Variants in ZNF879 observed in about 807,000 individuals in gnomAD.
ZNF879 encodes zinc finger protein 879.
ZNF879 carries 32 observed loss-of-function variants against 44.3 expected under a neutral mutation model. The observed-to-expected ratio is 0.72, with a 90% confidence interval of 0.54 to 0.97. The LOEUF is 0.97. Ranked by LOEUF, ZNF879 falls within the 50% of genes least tolerant of loss-of-function variation. ZNF879 has a pLI of 0.00. For missense variants in ZNF879, 621 were observed against 669.7 expected, an observed-to-expected ratio of 0.93 and a Z score of 0.80; for synonymous variants, 234 against 233.2, an observed-to-expected ratio of 1.00 and a Z score of -0.03.
In ZNF879 at chr5:179,025,115, C is replaced by G. The variant is rs557466783; in HGVS notation, c.33+78C>G. On this transcript the variant is annotated intron_variant, in intron 2 of 4. Coordinates refer to ENST00000444149, the MANE Select transcript of ZNF879 (RefSeq NM_001136116.3). ...AACTTCTTCATCTGTTGTTGAGCTTCTCTACCCAGTGAAGCTCAGGGAAGG... is the reference window on the plus strand; with the variant it reads ...AACTTCTTCATCTGTTGTTGAGCTTGTCTACCCAGTGAAGCTCAGGGAAGG... 19 of 1,501,186 alleles carry G rather than the reference C, an allele frequency of 1.3e-5. 1 individual carries two copies. The East Asian group carries it at 3.7e-4, about 29-fold the overall frequency. The allele number at this position is 1,501,186 out of a possible 1,614,324, so 93.0% of individuals were successfully genotyped here.
Position 179,032,923 on chromosome 5 carries a change from C to T in ZNF879, c.975C>T (p.Phe325=). The change falls in exon 5 of 5, where the codon TTC becomes TTT. Residue 325 remains phenylalanine, a synonymous_variant. Coordinates refer to ENST00000444149, the MANE Select transcript of ZNF879 (RefSeq NM_001136116.3). ...AGTGTAATGAATGTGGGAGGGCCTT[C>T]AGTCAGTGCTCATCTCTCATTCAGC... ...PYKCNECGRA[F]SQCSSLIQHH... The T allele has an allele frequency of 6.4e-7, 1 of 1,567,240 alleles. No individual in the cohort carries two copies. Among genetic ancestry groups the T allele is most frequent in the Non-Finnish European group, 8.7e-7 (1 of 1,156,000 alleles).
Position 179,027,430 on chromosome 5 carries a change from T to C in ZNF879, c.34-43T>C, listed in dbSNP as rs1328526732. On this transcript the variant is annotated intron_variant, in intron 2 of 4. Transcript: ENST00000444149. ...GGGTTGCTTCTCAGTCTTCTCGTTG[T>C]GGGGACAGTCCTGGATGAACAGGAG... The C allele has an allele frequency of 1.9e-6, 3 of 1,609,256 alleles. No individual in the cohort carries two copies. The African/African-American group carries it at 4.0e-5, about 21-fold the overall frequency.
chr5:179,025,539 G>C (rs900879878), intron 2 of ZNF879, among the ~76,000 whole-genome samples: 16 of 152,216 alleles, frequency 1.1e-4, no homozygotes, highest in Non-Finnish European at 8.8e-5. Flanking sequence ...CCAATGCCAG[G>C]CCACTGCCAC....
chr5:179,025,128 A>G (rs908703200), intron 2 of ZNF879, 91 bp downstream of exon 2: 2 of 1,433,046 alleles, frequency 1.4e-6, no homozygotes, highest in African/African-American at 1.4e-5. Context: ...TACCCAGTGA[A>G]GCTCAGGGAA....
rs192183513 is a variant in ZNF879, at chr5:179,032,469, C to T, written c.521C>T (p.Pro174Leu). ...LGLKSSLIRK[P>L]RIVSRGRRPR... is the part of the protein sequence containing the mutation. ...CTAAAATCATCGCTTATTAGAAAAC[C>T]GAGAATAGTTTCCAGAGGAAGGAGA... The change falls in exon 5 of 5, where the codon CCG (proline) becomes CTG (leucine). Residue 174 changes from proline (P) to leucine (L), a missense_variant. Pro to Leu is a moderately conservative substitution (Grantham distance 98, BLOSUM62 -3). Coordinates refer to ENST00000444149, the MANE Select transcript of ZNF879 (RefSeq NM_001136116.3). 3.3e-5 allele frequency: 51 copies of T among 1,551,542 alleles called. No homozygotes were observed. The highest frequency in any genetic ancestry group is 1.4e-4 in the Admixed American group (7 of 51,000).
Position 179,024,754 on chromosome 5 carries a change from A to G in ZNF879, c.-35-216A>G, listed in dbSNP as rs1176595603. On this transcript the variant is annotated intron_variant, in intron 1 of 4. Transcript: ENST00000444149. ...TCATCCCTTCGCTCCTTTCGTCTTT[A>G]TCGTAAAGCACTGGCAGAAAGGTAG... is the stretch of plus-strand genomic sequence containing the variant. 5.6e-6 allele frequency: 3 copies of G among 533,344 alleles called. No homozygotes were observed. In the African/African-American group the frequency reaches 5.7e-5, roughly 10 times the overall value. 33.0% of individuals were successfully genotyped at this position (533,344 alleles called of 1,614,324 possible). A position where few individuals can be genotyped will look rare whatever the true frequency, so the allele number is the denominator to read the frequency against.
At chr5:179,029,878 T>C (rs533819679) in intron 4 of ZNF879, among the ~76,000 whole-genome samples, 1 of 152,342 alleles carries the variant, frequency 6.6e-6, no homozygotes, top group African/African-American at 2.4e-5. Flanking sequence ...GCCTACCTCA[T>C]TGAGAGGACT....
In ZNF879 at chr5:179,028,032, G is replaced by A; in HGVS notation, c.161G>A (p.Gly54Glu). 2.6e-6 allele frequency: 4 copies of A among 1,551,470 alleles called. No homozygotes were observed. The highest frequency in any genetic ancestry group is 1.2e-5 in the South Asian group (1 of 84,050). Residue 54 changes from glycine (G) to glutamate (E), a missense_variant and splice_region_variant, in exon 4 of 5, where the codon GGG (glycine) becomes GAG (glutamate). Transcript: ENST00000444149. ...ACGTTTCTTTCTTGTTCATGAACAG[G>A]GATTCTCTTTTCCAAGCCAAAGGTC... is the stretch of plus-strand genomic sequence containing the variant. ...LENYSILVSL[G>E]ILFSKPKVIS...
intron 2 of ZNF879, among the ~76,000 whole-genome samples, chr5:179,025,995 G>A (rs909594641): frequency 4.1e-5 from 6 of 147,524 alleles, no homozygotes; most frequent in Admixed American, 2.8e-4. Context: ...TGAGGCAGGA[G>A]AATCACTTGA....
At chr5:179,025,307 C>T (rs1031923334) in intron 2 of ZNF879, among the ~76,000 whole-genome samples, 8 of 151,878 alleles carry the variant, frequency 5.3e-5, no homozygotes, top group Non-Finnish European at 8.8e-5. Flanking sequence ...GCAGCCTCAA[C>T]CTCCCTGGTA....
chr5:179,034,063 A>G lies in ZNF879; in HGVS notation c.*423A>G, dbSNP rs1761516775. The G allele has an allele frequency of 6.5e-6, 1 of 154,814 alleles. No individual in the cohort carries two copies. The allele number at this position is 154,814 out of a possible 1,614,324, so 9.6% of individuals were successfully genotyped here. A position where few individuals can be genotyped will look rare whatever the true frequency, so the allele number is the denominator to read the frequency against. Reference sequence around the variant, plus strand: ...AGTGGTACTAGAAAGAATGTTTTAGAAAAGAAATATGTACAGGTGACCCAT... The same window carrying G: ...AGTGGTACTAGAAAGAATGTTTTAGGAAAGAAATATGTACAGGTGACCCAT... On this transcript the variant is annotated 3_prime_UTR_variant, in exon 5 of 5. Coordinates refer to ENST00000444149, the MANE Select transcript of ZNF879 (RefSeq NM_001136116.3).
rs186604353 is a variant in ZNF879, at chr5:179,026,771, A to G, written c.34-702A>G. ...CCCAAAGTGCTGGGATTATAGGCGTAAGCCACTGTGCCCAGCCAAGAAGAT... is the reference window on the plus strand; with the variant it reads ...CCCAAAGTGCTGGGATTATAGGCGTGAGCCACTGTGCCCAGCCAAGAAGAT... On this transcript the variant is annotated intron_variant, in intron 2 of 4. Transcript: ENST00000444149. Among the ~76,000 whole-genome samples the G allele has an allele frequency of 1.8e-3, 273 of 152,356 alleles. 1 individual carries two copies. Among genetic ancestry groups the G allele is most frequent in the African/African-American group, 6.2e-3 (257 of 41,582 alleles).
chr5:179,033,438 C>T lies in ZNF879; in HGVS notation c.1490C>T (p.Ser497Leu). The T allele has an allele frequency of 1.3e-6, 2 of 1,564,214 alleles. No homozygotes were observed. The highest frequency in any genetic ancestry group is 1.7e-6 in the Non-Finnish European group (2 of 1,154,262). The change falls in exon 5 of 5, where the codon TCA becomes TTA. Residue 497 changes from serine (S) to leucine (L), a missense_variant. Coordinates refer to ENST00000444149, the MANE Select transcript of ZNF879 (RefSeq NM_001136116.3). ...NDCEKAFNQS[S>L]ALIQHQRIHT... ...TGTGAGAAAGCCTTCAACCAAAGCT[C>T]AGCTCTAATTCAGCACCAGAGAATT...
At position 179,032,519 on chromosome 5, in the gene ZNF879, C is replaced by G; in HGVS notation, c.571C>G (p.Leu191Val). ...ACCCCGTTCACAGCAGTATTCAGTT[C>G]TCTTTAAACAACTGGGGGTCAACAC... ...RRPRSQQYSV[L>V]FKQLGVNTVR... is the part of the protein sequence containing the mutation. Residue 191 changes from leucine (L) to valine (V), a missense_variant, in exon 5 of 5, where the codon CTC (leucine) becomes GTC (valine). Physicochemically the swap from Leu to Val is conservative, Grantham distance 32. Coordinates refer to ENST00000444149, the MANE Select transcript of ZNF879 (RefSeq NM_001136116.3). The G allele has an allele frequency of 6.4e-7, 1 of 1,551,672 alleles. No individual in the cohort carries two copies. The highest frequency in any genetic ancestry group is 1.2e-5 in the South Asian group (1 of 84,050).
At position 179,033,314 on chromosome 5, in the gene ZNF879, T is replaced by C. The variant is rs1761490155; in HGVS notation, c.1366T>C (p.Tyr456His). Residue 456 changes from tyrosine to histidine, a missense_variant, in exon 5 of 5, where the codon TAT (tyrosine) becomes CAT (histidine). Tyr to His is a moderately conservative substitution (Grantham distance 83, BLOSUM62 2). Transcript: ENST00000444149. ...HHRIHTGEKP[Y>H]NCKECGKAFS... The stretch of plus-strand genomic sequence containing the variant: ...CAGAATTCACACTGGAGAGAAACCA[T>C]ATAATTGTAAGGAATGTGGAAAAGC... The C allele has an allele frequency of 1.3e-6, 2 of 1,573,962 alleles. No individual in the cohort carries two copies. Among genetic ancestry groups the C allele is most frequent in the Non-Finnish European group, 1.7e-6 (2 of 1,159,614 alleles).
chr5:179,030,596 G>T (rs867811034), intron 4 of ZNF879, among the ~76,000 whole-genome samples: 1 of 152,146 alleles, frequency 6.6e-6, no homozygotes, highest in African/African-American at 2.4e-5. Context: ...TTAATTAAGT[G>T]ATTTTTTATA....
intron 2 of ZNF879, among the ~76,000 whole-genome samples, chr5:179,025,911 C>T (rs368272453): frequency 6.8e-5 from 10 of 146,624 alleles, no homozygotes; most frequent in South Asian, 2.2e-4. Context: ...AGCGAGACTC[C>T]GTCTCAAAAA....
chr5:179,032,492 A>G lies in ZNF879; in HGVS notation c.544A>G (p.Arg182Gly), dbSNP rs1289559412. 2 of 1,551,740 alleles carry G rather than the reference A, an allele frequency of 1.3e-6. No individual in the cohort carries two copies. Among genetic ancestry groups the G allele is most frequent in the East Asian group, 4.9e-5 (2 of 40,916 alleles). Residue 182 changes from arginine to glycine, a missense_variant, in exon 5 of 5, where the codon AGA becomes GGA. Arg to Gly is a moderately radical substitution (Grantham distance 125). Coordinates refer to ENST00000444149, the MANE Select transcript of ZNF879 (RefSeq NM_001136116.3). ...RKPRIVSRGR[R>G]PRSQQYSVLF... ...ACCGAGAATAGTTTCCAGAGGAAGG[A>G]GACCCCGTTCACAGCAGTATTCAGT...
chr5:179,030,831 C>T (rs1186987673), intron 4 of ZNF879, among the ~76,000 whole-genome samples: 1 of 152,010 alleles, frequency 6.6e-6, no homozygotes, highest in East Asian at 1.9e-4. Flanking sequence ...CTTAAGTAAC[C>T]AAAAAGGTAG....
Sources: gnomAD v4.1 joint callset for allele counts (sites outside exome capture counted in the v4.1 genomes callset) on GRCh38, gnomAD v4.1.1 for gene constraint, MANE v1.5 for transcripts, NCBI Gene and HGNC (gene_info 2026-07-23, HGNC 2026-07-21) for gene names.